KLHL5: variants seen among roughly 807,000 people sequenced by gnomAD.
The protein encoded by KLHL5 is kelch-like protein 5.
Under a neutral mutation model 77.7 loss-of-function variants are expected in KLHL5, and 48 were observed. The observed-to-expected ratio is 0.62, with a 90% CI of 0.49 to 0.79. The LOEUF (loss-of-function observed/expected upper bound fraction) is 0.79. KLHL5 is among the 30% of genes least tolerant of loss of function. KLHL5 has a pLI of 0.00. For synonymous variants in KLHL5, 260 were observed against 297.0 expected (o/e 0.88, Z 1.28); for missense variants, 723 against 859.7 (o/e 0.84, Z 1.99).
intron 4 of KLHL5, among the ~76,000 whole-genome samples, chr4:39,083,379 G>A (rs1334399329): frequency 1.3e-5 from 2 of 152,064 alleles, no homozygotes; most frequent in African/African-American, 4.8e-5. Flanking sequence ...CAAAACAATA[G>A]AAAATTATGG....
chr4:39,076,620 T>C (rs911900242), intron 2 of KLHL5, among the ~76,000 whole-genome samples: 1 of 152,130 alleles, frequency 6.6e-6, no homozygotes, highest in African/African-American at 2.4e-5. Flanking sequence ...AAGCCTTTCC[T>C]ACAAATTACA....
chr4:39,102,569 C>T (rs1372190763), intron 6 of KLHL5, among the ~76,000 whole-genome samples: 1 of 152,004 alleles, frequency 6.6e-6, no homozygotes, highest in Non-Finnish European at 1.5e-5. Context: ...ACTGTGCTTT[C>T]CTGCCTCCCC....
At chr4:39,049,252 C>G (rs1050177139) in intron 1 of KLHL5, among the ~76,000 whole-genome samples, 2 of 152,164 alleles carry the variant, frequency 1.3e-5, no homozygotes, top group African/African-American at 4.8e-5. Flanking sequence ...CAGAATTATG[C>G]TAATGAGAAT....
chr4:39,143,030 TAA>T, the KLHL5 span, among the ~76,000 whole-genome samples: 1 of 152,028 alleles, frequency 6.6e-6, no homozygotes, highest in South Asian at 2.1e-4. Flanking sequence ...TAAAAGTGTA[TAA>T]AGTTACACAC....
In KLHL5 at chr4:39,075,947, G is replaced by GTTTTTTTTTT; in HGVS notation, c.384-9_384-8insTTTTTTTTTT. 6.5e-7 allele frequency: 1 copy of GTTTTTTTTTT among 1,546,986 alleles called. No individual in the cohort carries two copies. The highest frequency in any genetic ancestry group is 8.8e-7 in the Non-Finnish European group (1 of 1,138,930). ...GTGATAGTGATATTTCAAAATGTGT[G>GTTTTTTTTTT]TTTTTTTTTCTTTTCAGGACTTCCA... On this transcript the variant is annotated splice_polypyrimidine_tract_variant and intron_variant, in intron 1 of 10. Coordinates refer to ENST00000504108, the MANE Select transcript of KLHL5 (RefSeq NM_015990.5).
At chr4:39,055,786 C>T (rs1157237184) in intron 1 of KLHL5, among the ~76,000 whole-genome samples, 2 of 152,094 alleles carry the variant, frequency 1.3e-5, no homozygotes, top group Non-Finnish European at 2.9e-5. Flanking sequence ...TGTGTATCTT[C>T]GTCATGCTGT....
rs1312054617 is a variant in KLHL5, at chr4:39,045,159, C to A, written c.-95+63C>A. On this transcript the variant is annotated intron_variant, in intron 1 of 11. Coordinates refer to the KLHL5 transcript ENST00000261425. ...CGCCTCGGGCAGGGCCCGCTTCCCG[C>A]CCCCACGCGACTCTCACGCCCCGCT... is the stretch of plus-strand genomic sequence containing the variant. 5.6e-5 allele frequency: 55 copies of A among 984,042 alleles called. No individual in the cohort carries two copies. The Admixed American group carries it at 7.4e-4, about 13-fold the overall frequency. The allele number at this position is 984,042 out of a possible 1,614,324, so 61.0% of individuals were successfully genotyped here.
chr4:39,096,174 T>C (rs182252222), intron 5 of KLHL5, among the ~76,000 whole-genome samples: 144 of 150,162 alleles, frequency 9.6e-4, no homozygotes, highest in African/African-American at 3.5e-3. Context: ...CTGGATTCAG[T>C]GACACAAAAG....
At chr4:39,073,835 T>A (rs183897281) in intron 1 of KLHL5, among the ~76,000 whole-genome samples, 7 of 150,656 alleles carry the variant, frequency 4.6e-5, no homozygotes, top group African/African-American at 1.5e-4. Context: ...TTTATTTTTT[T>A]TTTTGTATTT....
Position 39,107,653 on chromosome 4 carries a change from C to G in KLHL5, c.1610C>G (p.Pro537Arg). The stretch of plus-strand genomic sequence containing the variant: ...CTGAACACAGTGGAAAGATGGGACC[C>G]TCAGGCTCGCCAGTGGAATTTTGTT... ...SYLNTVERWD[P>R]QARQWNFVAT... Residue 537 changes from proline to arginine, a missense_variant, in exon 8 of 11, where the codon CCT (proline) becomes CGT (arginine). Coordinates refer to ENST00000504108, the MANE Select transcript of KLHL5 (RefSeq NM_015990.5). 6.2e-7 allele frequency: 1 copy of G among 1,612,778 alleles called. No individual in the cohort carries two copies. Among genetic ancestry groups the G allele is most frequent in the South Asian group, 1.1e-5 (1 of 90,950 alleles).
chr4:39,136,074 T>C, the KLHL5 span, among the ~76,000 whole-genome samples: 1 of 151,636 alleles, frequency 6.6e-6, no homozygotes, highest in African/African-American at 2.4e-5. Context: ...CTAAGGTAGC[T>C]CAAAGACATG....
At chr4:39,108,803 C>G (rs565091355) in intron 8 of KLHL5, among the ~76,000 whole-genome samples, 1 of 152,054 alleles carries the variant, frequency 6.6e-6, no homozygotes, top group African/African-American at 2.4e-5. Flanking sequence ...TTGGTTTAAA[C>G]CTTTGGGATT....
chr4:39,139,443 T>C, the KLHL5 span, among the ~76,000 whole-genome samples: 1 of 152,068 alleles, frequency 6.6e-6, no homozygotes, highest in Non-Finnish European at 1.5e-5. Context: ...AGTGAAACTA[T>C]TCTGTATGAC....
upstream of KLHL5, among the ~76,000 whole-genome samples, chr4:39,059,947 T>C (rs751007327): frequency 1.2e-4 from 19 of 152,074 alleles, no homozygotes; most frequent in Admixed American, 2.0e-4. Context: ...GCAAGTCCAC[T>C]CCTGGCAATA....
upstream of KLHL5, chr4:39,062,186 T>C: frequency 2.1e-6 from 2 of 940,738 alleles, no homozygotes; most frequent in Non-Finnish European, 2.6e-6. Context: ...ACATTTATTG[T>C]TTCAGCAATG....
chr4:39,131,301 T>G (rs1421118007), downstream of KLHL5, among the ~76,000 whole-genome samples: 2 of 152,210 alleles, frequency 1.3e-5, no homozygotes, highest in African/African-American at 4.8e-5. Context: ...TTAGTTGAGC[T>G]TTCCCAAATT....
upstream of KLHL5, among the ~76,000 whole-genome samples, chr4:39,059,726 T>C (rs1468310356): frequency 6.6e-6 from 1 of 152,074 alleles, no homozygotes; most frequent in Non-Finnish European, 1.5e-5. Flanking sequence ...CCAGAAACCC[T>C]GTCTCTAGTA....
chr4:39,069,485 C>T (rs1487325342), intron 1 of KLHL5, among the ~76,000 whole-genome samples: 2 of 140,160 alleles, frequency 1.4e-5, no homozygotes, highest in East Asian at 2.1e-4. Flanking sequence ...CACACACACA[C>T]ACACACACAC....
chr4:39,089,768 A>C (rs1056934685), intron 5 of KLHL5, among the ~76,000 whole-genome samples: 1 of 152,136 alleles, frequency 6.6e-6, no homozygotes, highest in African/African-American at 2.4e-5. Flanking sequence ...CTCACCCCAC[A>C]CCTACTGAAT....
Sources: gnomAD v4.1 joint callset for allele counts (sites outside exome capture counted in the v4.1 genomes callset) on GRCh38, gnomAD v4.1.1 for gene constraint, MANE v1.5 for transcripts, NCBI Gene and HGNC (gene_info 2026-07-23, HGNC 2026-07-21) for gene names.